Variants in C4orf33 observed in about 807,000 individuals in gnomAD.
The protein encoded by C4orf33 is UPF0462 protein C4orf33.
A neutral mutation model predicts 24.3 loss-of-function variants in C4orf33; 20 were observed. The observed-to-expected ratio is 0.82, with a 90% CI of 0.58 to 1.19. C4orf33 has a LOEUF of 1.19. C4orf33 is among the 50% of genes most tolerant of loss of function. The probability of loss-of-function intolerance (pLI) is 0.00; values close to 1 mark genes in which losing one functional copy is unlikely to be tolerated. For missense variants in C4orf33, 207 were observed against 225.9 expected (o/e 0.92, Z 0.54); for synonymous variants, 67 against 76.4 (o/e 0.88, Z 0.64).
chr4:129,108,245 A>G (rs897317143), intron 3 of C4orf33, among the ~76,000 whole-genome samples: 1 of 152,200 alleles, frequency 6.6e-6, no homozygotes, highest in Non-Finnish European at 1.5e-5. Context: ...AAAGCTCTCA[A>G]AAGAGTACCT....
At position 129,111,798 on chromosome 4, in the gene C4orf33, T is replaced by C; in HGVS notation, c.*7T>C. 6.7e-7 allele frequency: 1 copy of C among 1,492,042 alleles called. No homozygotes were observed. The highest frequency in any genetic ancestry group is 9.3e-7 in the Non-Finnish European group (1 of 1,075,030). The allele number at this position is 1,492,042 out of a possible 1,614,324, so 92.4% of individuals were successfully genotyped here. Reference sequence around the variant, plus strand: ...AGAGAAATGTGATATATAGGAGTAATAGATAACCATACCGATCATTTTTTC... The same window carrying C: ...AGAGAAATGTGATATATAGGAGTAACAGATAACCATACCGATCATTTTTTC... On this transcript the variant is annotated 3_prime_UTR_variant, in exon 6 of 6. Transcript: ENST00000425929.
Position 129,109,515 on chromosome 4 carries a change from A to G in C4orf33, c.337A>G (p.Lys113Glu). The G allele has an allele frequency of 6.2e-7, 1 of 1,613,998 alleles. No individual in the cohort carries two copies. Among genetic ancestry groups the G allele is most frequent in the Non-Finnish European group, 8.5e-7 (1 of 1,179,844 alleles). The change falls in exon 5 of 6, where the codon AAA becomes GAA. Residue 113 changes from lysine (K) to glutamate (E), a missense_variant. Lys to Glu is a moderately conservative substitution (Grantham distance 56). Coordinates refer to ENST00000425929, the MANE Select transcript of C4orf33 (RefSeq NM_001099783.2). The stretch of plus-strand genomic sequence containing the variant: ...GTTCAGAATGTCCAGAGGAGAGACA[A>G]AATGGGAAGGCAAAGCTTATCTCCC... The part of the protein sequence containing the change: ...LSFRMSRGET[K>E]WEGKAYLPWS...
chr4:129,109,017 G>A (rs1230358947), intron 3 of C4orf33, among the ~76,000 whole-genome samples: 1 of 152,038 alleles, frequency 6.6e-6, no homozygotes, highest in Non-Finnish European at 1.5e-5. Context: ...CTCCCAAGTT[G>A]CTGGGACTAC....
At chr4:129,106,842 CT>C (rs1160141685) in intron 3 of C4orf33, among the ~76,000 whole-genome samples, 195 bp downstream of exon 3, 1 of 151,614 alleles carries the variant, frequency 6.6e-6, no homozygotes, top group Non-Finnish European at 1.5e-5. Flanking sequence ...TTAGAATATA[CT>C]CATATTCTAA....
Position 129,115,929 on chromosome 4 carries a change from G to C in C4orf33, c.*4138G>C, listed in dbSNP as rs1311350871. The C allele has an allele frequency of 1.3e-5, 2 of 148,894 alleles. No individual in the cohort carries two copies. The highest frequency in any genetic ancestry group is 3.0e-5 in the Non-Finnish European group (2 of 67,464). 9.2% of individuals were successfully genotyped at this position (148,894 alleles called of 1,614,324 possible). ...ATTTTTTGTTAAATCACCATTCCTG[G>C]GCCCTACTCATTTTCTGATAATTTC... is the stretch of plus-strand genomic sequence containing the variant. On this transcript the variant is annotated 3_prime_UTR_variant, in exon 6 of 6. Coordinates refer to ENST00000425929, the MANE Select transcript of C4orf33 (RefSeq NM_001099783.2).
intron 5 of C4orf33, among the ~76,000 whole-genome samples, chr4:129,110,811 C>T (rs980539831): frequency 6.6e-6 from 1 of 151,726 alleles, no homozygotes; most frequent in African/African-American, 2.4e-5. Flanking sequence ...TAGCTTTTAC[C>T]TAGTCTTTTT....
At chr4:129,106,115 C>A (rs1034016458) in intron 2 of C4orf33, among the ~76,000 whole-genome samples, 1 of 152,056 alleles carries the variant, frequency 6.6e-6, no homozygotes, top group South Asian at 2.1e-4. Flanking sequence ...CCATAATTTA[C>A]TTAACAGTTC....
At position 129,102,683 on chromosome 4, in the gene C4orf33, C is replaced by G. The variant is rs1753393309; in HGVS notation, c.73C>G (p.Pro25Ala). The change falls in exon 2 of 6, where the codon CCA becomes GCA. Residue 25 changes from proline (P) to alanine (A), a missense_variant. Transcript: ENST00000425929. ...KHEPVFIRLN[P>A]GDRGVMMDIS... ...TGAGCCCGTATTTATCAGGCTGAATCCAGGTGACAGAGGAGTGATGATGGA... is the reference window on the plus strand; with the variant it reads ...TGAGCCCGTATTTATCAGGCTGAATGCAGGTGACAGAGGAGTGATGATGGA... 3.7e-6 allele frequency: 6 copies of G among 1,614,082 alleles called. No homozygotes were observed. Among genetic ancestry groups the G allele is most frequent in the Non-Finnish European group, 4.2e-6 (5 of 1,179,938 alleles).
upstream of C4orf33, among the ~76,000 whole-genome samples, chr4:129,094,585 G>A (rs1013383503): frequency 6.6e-6 from 1 of 152,170 alleles, no homozygotes; most frequent in Non-Finnish European, 1.5e-5. Flanking sequence ...ATGCAGTTAG[G>A]CATCTGAAGG....
At chr4:129,106,008 G>A (rs1445102212) in intron 2 of C4orf33, among the ~76,000 whole-genome samples, 1 of 151,974 alleles carries the variant, frequency 6.6e-6, no homozygotes. Flanking sequence ...CTGACTTATC[G>A]AATATCATGG....
At position 129,099,392 on chromosome 4, in the gene C4orf33, A is replaced by C. The variant is rs183589225; in HGVS notation, c.-10+3183A>C. ...ATTGAAGGGAATTTCTGGGCTTATT[A>C]TCTTTGTTATTAGCCATTGTATTGA... On this transcript the variant is annotated intron_variant, in intron 1 of 5. Transcript: ENST00000425929. Among the ~76,000 whole-genome samples, 653 of 152,310 alleles carry C rather than the reference A, an allele frequency of 4.3e-3. 6 individuals carry two copies. Among genetic ancestry groups the C allele is most frequent in the African/African-American group, 0.014 (590 of 41,570 alleles).
intron 1 of C4orf33, among the ~76,000 whole-genome samples, chr4:129,100,200 T>G (rs560525311): frequency 6.6e-6 from 1 of 152,364 alleles, no homozygotes; most frequent in South Asian, 2.1e-4. Context: ...ATCTTCCAGA[T>G]AAAATTACAT....
At chr4:129,103,783 A>G (rs1400272382) in intron 2 of C4orf33, among the ~76,000 whole-genome samples, 1 of 152,160 alleles carries the variant, frequency 6.6e-6, no homozygotes, top group African/African-American at 2.4e-5. Flanking sequence ...GTACCTTCTC[A>G]TTCTATTCCC....
At chr4:129,106,978 A>G (rs1753538896) in intron 3 of C4orf33, among the ~76,000 whole-genome samples, 1 of 151,980 alleles carries the variant, frequency 6.6e-6, no homozygotes, top group Non-Finnish European at 1.5e-5. Context: ...TTTACGCAAT[A>G]AATTTGCATT....
Position 129,106,569 on chromosome 4 carries a change from T to C in C4orf33, c.182-18T>C, listed in dbSNP as rs762220608. 1 of 1,314,470 alleles carries C rather than the reference T, an allele frequency of 7.6e-7. No individual in the cohort carries two copies. Among genetic ancestry groups the C allele is most frequent in the Non-Finnish European group, 1.1e-6 (1 of 927,790 alleles). The allele number at this position is 1,314,470 out of a possible 1,614,324, so 81.4% of individuals were successfully genotyped here. ...CAATATTAAATATCTCAATATGTTA[T>C]ATCTCTGTTTTCAAAAGTTGTGGAA... On this transcript the variant is annotated intron_variant, in intron 2 of 5. Transcript: ENST00000425929.
chr4:129,094,353 A>G (rs969304092), upstream of C4orf33, among the ~76,000 whole-genome samples: 2 of 152,206 alleles, frequency 1.3e-5, no homozygotes, highest in Non-Finnish European at 2.9e-5. Context: ...CACTAGCAAC[A>G]AAAATGTTAA....
intron 5 of C4orf33, among the ~76,000 whole-genome samples, chr4:129,110,282 A>G (rs1265784438): frequency 6.6e-6 from 1 of 152,220 alleles, no homozygotes; most frequent in Non-Finnish European, 1.5e-5. Context: ...CCTGGAAGCT[A>G]TGGCTATGGA....
In C4orf33 at chr4:129,109,313, A is replaced by G; in HGVS notation, c.249A>G (p.Gly83=). ...QYLEVELCPH[G]QHLVLLLSGR... Reference sequence around the variant, plus strand: ...GGAATCTTAATTTTGACAGCCACGGACAGCATTTAGTGCTTTTACTTTCTG... The same window carrying G: ...GGAATCTTAATTTTGACAGCCACGGGCAGCATTTAGTGCTTTTACTTTCTG... The change falls in exon 4 of 6, where the codon GGA becomes GGG. Residue 83 remains glycine (G), a synonymous_variant. Coordinates refer to ENST00000425929, the MANE Select transcript of C4orf33 (RefSeq NM_001099783.2). 6.2e-7 allele frequency: 1 copy of G among 1,614,040 alleles called. No homozygotes were observed. The highest frequency in any genetic ancestry group is 1.1e-5 in the South Asian group (1 of 91,076).
intron 2 of C4orf33, among the ~76,000 whole-genome samples, chr4:129,106,139 G>C (rs1427147562): frequency 1.3e-5 from 2 of 152,050 alleles, no homozygotes; most frequent in African/African-American, 4.8e-5. Context: ...TGTATAATAG[G>C]AGATGTATTT....
Sources: allele counts gnomAD v4.1 joint callset (sites outside exome capture counted in the v4.1 genomes callset), GRCh38; gene constraint gnomAD v4.1.1; transcripts MANE v1.5; gene names NCBI Gene and HGNC (gene_info 2026-07-23, HGNC 2026-07-21).